LRRK1: variants seen among roughly 807,000 people sequenced by gnomAD.
The protein encoded by LRRK1 is leucine-rich repeat serine/threonine-protein kinase 1.
A neutral mutation model predicts 209.1 loss-of-function variants in LRRK1; 113 were observed. The ratio of observed to expected loss-of-function variants is 0.54; its 90% CI spans 0.46 to 0.63. The LOEUF (loss-of-function observed/expected upper bound fraction) is 0.63, where lower values mean the gene tolerates loss of function less well. Ranked by LOEUF, LRRK1 falls within the 30% of genes least tolerant of loss-of-function variation. The probability of loss-of-function intolerance (pLI) is 0.00; values close to 1 mark genes in which losing one functional copy is unlikely to be tolerated. For synonymous variants in LRRK1, 1,144 were observed against 1,099.7 expected (o/e 1.04, Z -0.80); for missense variants, 2,284 against 2,632.2 (o/e 0.87, Z 2.89).
chr15:100,945,358 G>A (rs1236650967), intron 2 of LRRK1, among the ~76,000 whole-genome samples: 6 of 151,940 alleles, frequency 3.9e-5, no homozygotes, highest in Non-Finnish European at 1.5e-5. Flanking sequence ...TGTGATATGT[G>A]AAAAATGGTA....
In LRRK1 at chr15:100,941,438, G is replaced by C. The variant is rs74216827; in HGVS notation, c.97+16709G>C. Among the ~76,000 whole-genome samples the C allele has an allele frequency of 2.7e-3, 235 of 86,690 alleles. 14 individuals carry two copies. Among genetic ancestry groups the C allele is most frequent in the African/African-American group, 6.0e-3 (120 of 20,162 alleles). 56.9% of individuals were successfully genotyped at this position (86,690 alleles called of 152,430 possible). On this transcript the variant is annotated intron_variant, in intron 2 of 33. Coordinates refer to ENST00000388948, the MANE Select transcript of LRRK1 (RefSeq NM_024652.6). ...TGTGTGTGTGTGTGTCTGTGTGTGT[G>C]TGTGTGTCTGTGTGTGTCTATGTCT...
intron 1 of LRRK1, among the ~76,000 whole-genome samples, chr15:100,922,647 T>C (rs1192927597): frequency 3.9e-5 from 6 of 152,190 alleles, no homozygotes; most frequent in Admixed American, 2.6e-4. Context: ...AGATTCTGTC[T>C]TGCTGGCTCT....
chr15:100,934,465 G>T (rs1229733188), intron 2 of LRRK1, among the ~76,000 whole-genome samples: 1 of 151,994 alleles, frequency 6.6e-6, no homozygotes, highest in African/African-American at 2.4e-5. Flanking sequence ...GCCCTTACAG[G>T]GCTTCCAGTT....
At chr15:101,030,171 A>C (rs1322390366) in intron 20 of LRRK1, among the ~76,000 whole-genome samples, 1 of 151,780 alleles carries the variant, frequency 6.6e-6, no homozygotes, top group Non-Finnish European at 1.5e-5. Context: ...GCTCCTCATG[A>C]CTTTGTGCTG....
chr15:100,965,524 G>A (rs1441869640), intron 2 of LRRK1, among the ~76,000 whole-genome samples: 1 of 152,092 alleles, frequency 6.6e-6, no homozygotes, highest in Non-Finnish European at 1.5e-5. Context: ...CCAGAAATAT[G>A]TTCACTTACA....
At chr15:100,944,785 A>G (rs1256769076) in intron 2 of LRRK1, among the ~76,000 whole-genome samples, 1 of 152,226 alleles carries the variant, frequency 6.6e-6, no homozygotes. Context: ...CCTTGCCAAT[A>G]TGTTAAAACT....
At chr15:100,984,290 C>T (rs2031755596) in intron 4 of LRRK1, among the ~76,000 whole-genome samples, 1 of 152,226 alleles carries the variant, frequency 6.6e-6, no homozygotes, top group Non-Finnish European at 1.5e-5. Flanking sequence ...ACATTTGTGA[C>T]AACTGATCAA....
In LRRK1 at chr15:101,028,978, C is replaced by A; in HGVS notation, c.2709C>A (p.Thr903=). The A allele has an allele frequency of 6.2e-7, 1 of 1,614,068 alleles. No homozygotes were observed. Residue 903 remains threonine, a synonymous_variant, in exon 20 of 34, where the codon ACC becomes ACA. Coordinates refer to ENST00000388948, the MANE Select transcript of LRRK1 (RefSeq NM_024652.6). Reference sequence around the variant, plus strand: ...CAGCCATCAGCTTCCTCATAGAAACCGGCACCCTGCTCCATTTCCCGGACA... The same window carrying A: ...CAGCCATCAGCTTCCTCATAGAAACAGGCACCCTGCTCCATTTCCCGGACA... ...LQSAISFLIE[T]GTLLHFPDTS...
intron 6 of LRRK1, among the ~76,000 whole-genome samples, chr15:100,996,219 G>A (rs1016037417): frequency 6.6e-6 from 1 of 152,246 alleles, no homozygotes; most frequent in Non-Finnish European, 1.5e-5. Context: ...TTCGTGCATT[G>A]CAGAGCACTT....
intron 6 of LRRK1, among the ~76,000 whole-genome samples, chr15:100,990,791 ATTAT>A (rs1442555023): frequency 1.3e-5 from 2 of 150,022 alleles, no homozygotes; most frequent in African/African-American, 4.9e-5. Context: ...TTCCCAATCC[ATTAT>A]TTTTCTTTTT....
chr15:101,067,156 T>A, intron 33 of LRRK1: 1 of 424,620 alleles, frequency 2.4e-6, no homozygotes, highest in Non-Finnish European at 4.8e-6. Context: ...GCACACCTTG[T>A]CATCTCCAAG....
intron 2 of LRRK1, among the ~76,000 whole-genome samples, chr15:100,929,746 G>C (rs1488979094): frequency 6.6e-6 from 1 of 152,150 alleles, no homozygotes; most frequent in Non-Finnish European, 1.5e-5. Context: ...ACAGGAAACA[G>C]GGCAGGCAGG....
chr15:101,051,929 C>T lies in LRRK1; in HGVS notation c.3658C>T (p.Pro1220Ser). Residue 1220 changes from proline (P) to serine (S), a missense_variant, in exon 24 of 34, where the codon CCT (proline) becomes TCT (serine). Physicochemically the swap from Pro to Ser is moderately conservative, Grantham distance 74. Around this residue, in one of 6 missense-constraint regions of LRRK1, gnomAD observed 780 missense variants for 985.2 expected, o/e 0.79. Transcript: ENST00000388948. ...CCCCGTGCCGCTGCAGGAGCTGGTC[C>T]CTGAACTGTTCATGACCGACTTCCC... ...DLPVPLQELVPELFMTDFPAR... is the reference protein window; with the variant it reads ...DLPVPLQELVSELFMTDFPAR... 1 of 1,613,912 alleles carries T rather than the reference C, an allele frequency of 6.2e-7. No homozygotes were observed. The highest frequency in any genetic ancestry group is 8.5e-7 in the Non-Finnish European group (1 of 1,180,014).
At chr15:100,960,728 A>G (rs1395871507) in intron 2 of LRRK1, among the ~76,000 whole-genome samples, 1 of 152,220 alleles carries the variant, frequency 6.6e-6, no homozygotes, top group African/African-American at 2.4e-5. Context: ...AGCTCAGCAC[A>G]TAGGAGGTAC....
chr15:100,948,461 C>A (rs939976699), intron 2 of LRRK1, among the ~76,000 whole-genome samples: 6 of 152,216 alleles, frequency 3.9e-5, no homozygotes, highest in African/African-American at 1.4e-4. Context: ...ATTTTGCATT[C>A]TCTCCACCAA....
intron 10 of LRRK1, among the ~76,000 whole-genome samples, chr15:101,013,621 G>C (rs1369215283): frequency 6.6e-6 from 1 of 152,136 alleles, no homozygotes; most frequent in Admixed American, 6.5e-5. Context: ...CTCTAAAAAA[G>C]TAAATAAATA....
chr15:101,015,884 G>T (rs903840713), intron 12 of LRRK1, among the ~76,000 whole-genome samples: 13 of 152,134 alleles, frequency 8.5e-5, no homozygotes, highest in Non-Finnish European at 1.6e-4. Context: ...CTGAGAGGAG[G>T]GTGCCAGCAC....
At chr15:100,961,180 A>G (rs8030310) in intron 2 of LRRK1, among the ~76,000 whole-genome samples, 107,231 of 152,086 alleles carry the variant, frequency 0.71, 38,143 homozygotes, top group Middle Eastern at 0.76. Context: ...CACATGGCAA[A>G]GGGCCTGAGT....
chr15:100,934,083 A>C (rs2042253532), intron 2 of LRRK1, among the ~76,000 whole-genome samples: 1 of 152,038 alleles, frequency 6.6e-6, no homozygotes, highest in African/African-American at 2.4e-5. Context: ...TTATTTATTT[A>C]AGATGTCAAA....
Sources: allele counts gnomAD v4.1 joint callset (sites outside exome capture counted in the v4.1 genomes callset), GRCh38; gene constraint gnomAD v4.1.1; regional missense constraint gnomAD v4.1.1; transcripts MANE v1.5; gene names NCBI Gene and HGNC (gene_info 2026-07-23, HGNC 2026-07-21).